OSTC: variants seen among roughly 807,000 people sequenced by gnomAD.
OSTC encodes the protein oligosaccharyltransferase complex subunit OSTC.
OSTC carries 16 observed loss-of-function variants against 16.4 expected under a neutral mutation model. That is an observed-to-expected ratio of 0.98 (90% CI 0.66 to 1.49). The LOEUF is 1.49. Among genes scored for constraint, OSTC ranks in the 40% most tolerant of loss-of-function variants. The pLI is 0.00. For synonymous variants in OSTC, 67 were observed against 68.5 expected (o/e 0.98, Z 0.11); for missense variants, 139 against 186.3 (o/e 0.75, Z 1.48).
rs558253109 is a variant in OSTC, at chr4:108,667,229, A to G, written c.432-18A>G. 29 of 1,600,752 alleles carry G rather than the reference A, an allele frequency of 1.8e-5. No homozygotes were observed. The highest frequency in any genetic ancestry group is 3.3e-4 in the Middle Eastern group (2 of 5,998). ...ACAATTCTTTTCACTTTTTGTGCTT[A>G]TAATTATATTTCTGCAGGGGCTATC... is the stretch of plus-strand genomic sequence containing the variant. On this transcript the variant is annotated intron_variant, in intron 3 of 3. Transcript: ENST00000361564.
At position 108,657,436 on chromosome 4, in the gene OSTC, C is replaced by T; in HGVS notation, c.234-14C>T. 6.3e-7 allele frequency: 1 copy of T among 1,592,300 alleles called. No individual in the cohort carries two copies. The highest frequency in any genetic ancestry group is 8.6e-7 in the Non-Finnish European group (1 of 1,163,174). ...TATTTGTTATCTTTCTATGGTCATT[C>T]TTTTCTTTTCCAGAGTAAATGGACA... On this transcript the variant is annotated splice_polypyrimidine_tract_variant and intron_variant, in intron 2 of 3. Coordinates refer to ENST00000361564, the MANE Select transcript of OSTC (RefSeq NM_021227.4).
intron 1 of OSTC, among the ~76,000 whole-genome samples, chr4:108,651,694 T>G (rs528412787): frequency 6.6e-6 from 1 of 152,262 alleles, no homozygotes; most frequent in East Asian, 1.9e-4. Context: ...AAAATTAATT[T>G]AGATTTTGGG....
chr4:108,661,217 C>CAAAAAA (rs34609606), intron 3 of OSTC, among the ~76,000 whole-genome samples: 3 of 103,288 alleles, frequency 2.9e-5, no homozygotes, highest in Non-Finnish European at 3.9e-5. Flanking sequence ...GACTCCATCT[C>CAAAAAA]AAAAAAAAAA....
In OSTC at chr4:108,656,929, C is replaced by T. The variant is rs186813802; in HGVS notation, c.234-521C>T. On this transcript the variant is annotated intron_variant, in intron 2 of 3. Transcript: ENST00000361564. ...CCTGGCTAACCCGGTGAAACCCTGT[C>T]TCCCCTAAAAATACAAAAAATTAGC... Among the ~76,000 whole-genome samples, 759 of 152,124 alleles carry T rather than the reference C, an allele frequency of 5.0e-3. 4 individuals are homozygous for T. Among genetic ancestry groups the T allele is most frequent in the African/African-American group, 0.017 (689 of 41,506 alleles).
rs753117010 is a variant in OSTC, at chr4:108,650,677, C to G, written c.22C>G (p.Pro8Ala). 1.9e-6 allele frequency: 3 copies of G among 1,614,012 alleles called. No homozygotes were observed. In the Admixed American group the frequency reaches 5.0e-5, roughly 27 times the overall value. ...CAACATGGAGACTTTGTACCGTGTC[C>G]CGTTCTTAGTGCTCGAATGTCCCAA... is the stretch of plus-strand genomic sequence containing the variant. METLYRV[P>A]FLVLECPNLK... Residue 8 changes from proline (P) to alanine (A), a missense_variant, in exon 1 of 4, where the codon CCG (proline) becomes GCG (alanine). By Grantham distance (27) the Pro-to-Ala change is conservative. Transcript: ENST00000361564.
chr4:108,653,876 T>C (rs1030489390), intron 1 of OSTC, among the ~76,000 whole-genome samples: 6 of 152,162 alleles, frequency 3.9e-5, no homozygotes, highest in Admixed American at 3.3e-4. Flanking sequence ...CTGGCATTAT[T>C]TGAGAGGCCT....
At chr4:108,656,923 C>A (rs987000698) in intron 2 of OSTC, among the ~76,000 whole-genome samples, 8 of 152,016 alleles carry the variant, frequency 5.3e-5, no homozygotes, top group African/African-American at 1.9e-4. Context: ...CCCGGTGAAA[C>A]CCTGTCTCCC....
intron 1 of OSTC, 91 bp downstream of exon 1, chr4:108,650,885 G>T: frequency 6.4e-7 from 1 of 1,569,826 alleles, no homozygotes. Context: ...TCAGCCCCGG[G>T]GGAAGCATAG....
At position 108,655,561 on chromosome 4, in the gene OSTC, T is replaced by C. The variant is rs1308962847; in HGVS notation, c.140-3T>C. On this transcript the variant is annotated splice_region_variant and splice_polypyrimidine_tract_variant and intron_variant, in intron 1 of 3. Coordinates refer to ENST00000361564, the MANE Select transcript of OSTC (RefSeq NM_021227.4). Reference sequence around the variant, plus strand: ...CTAATCTGTTCTGTTGTCTTTCTTATAGGAATAATTTATGATGTTATTGTT... The same window carrying C: ...CTAATCTGTTCTGTTGTCTTTCTTACAGGAATAATTTATGATGTTATTGTT... The C allele has an allele frequency of 4.5e-6, 7 of 1,557,346 alleles. No homozygotes were observed. The highest frequency in any genetic ancestry group is 2.3e-5 in the East Asian group (1 of 44,434).
At chr4:108,667,226 C>T in intron 3 of OSTC, 21 bp from the exon 4 acceptor site, 1 of 1,599,014 alleles carries the variant, frequency 6.3e-7, no homozygotes, top group Non-Finnish European at 8.5e-7. Context: ...ACTTTTTGTG[C>T]TTATAATTAT....
chr4:108,658,820 C>T (rs1326578419), intron 3 of OSTC, among the ~76,000 whole-genome samples: 1 of 152,014 alleles, frequency 6.6e-6, no homozygotes, highest in Admixed American at 6.6e-5. Flanking sequence ...CTGTAACACA[C>T]CTGGGGTAGA....
At chr4:108,659,540 G>A (rs1434959081) in intron 3 of OSTC, among the ~76,000 whole-genome samples, 2 of 152,072 alleles carry the variant, frequency 1.3e-5, no homozygotes, top group African/African-American at 2.4e-5. Context: ...AGGCTGAAGC[G>A]GGCGGATCAC....
At position 108,661,301 on chromosome 4, in the gene OSTC, C is replaced by G. The variant is rs117337842; in HGVS notation, c.431+3654C>G. On this transcript the variant is annotated intron_variant, in intron 3 of 3. Transcript: ENST00000361564. ...GTACATTTAAAAGGAAAAAATTAAACGTAGTCCCTAATATTTTTATTAGTA... is the reference window on the plus strand; with the variant it reads ...GTACATTTAAAAGGAAAAAATTAAAGGTAGTCCCTAATATTTTTATTAGTA... Among the ~76,000 whole-genome samples the G allele has an allele frequency of 5.2e-4, 78 of 150,984 alleles. No homozygotes were observed. The East Asian group carries it at 0.014, about 27-fold the overall frequency.
Position 108,650,702 on chromosome 4 carries a change from A to G in OSTC, c.47A>G (p.Asn16Ser). 6.2e-7 allele frequency: 1 copy of G among 1,614,198 alleles called. No homozygotes were observed. The highest frequency in any genetic ancestry group is 8.5e-7 in the Non-Finnish European group (1 of 1,180,026). Residue 16 changes from asparagine to serine, a missense_variant, in exon 1 of 4, where the codon AAC (asparagine) becomes AGC (serine). Physicochemically the swap from Asn to Ser is conservative, Grantham distance 46 (BLOSUM62 1). Coordinates refer to ENST00000361564, the MANE Select transcript of OSTC (RefSeq NM_021227.4). ...RVPFLVLECP[N>S]LKLKKPPWLH... is the part of the protein sequence containing the mutation. ...CCGTTCTTAGTGCTCGAATGTCCCA[A>G]CCTGAAGCTGAAGAAGCCGCCCTGG... is the stretch of plus-strand genomic sequence containing the variant.
At chr4:108,664,270 G>GA (rs1251861093) in intron 3 of OSTC, among the ~76,000 whole-genome samples, 2 of 149,260 alleles carry the variant, frequency 1.3e-5, no homozygotes, top group Non-Finnish European at 2.9e-5. Flanking sequence ...TAGTTACAAG[G>GA]AAGGATACCA....
intron 3 of OSTC, chr4:108,663,236 G>T (rs542009067): frequency 2.1e-4 from 95 of 455,816 alleles, no homozygotes; most frequent in African/African-American, 1.6e-3. Context: ...TATTGAGACG[G>T]AGTCTCGCTC....
intron 3 of OSTC, among the ~76,000 whole-genome samples, chr4:108,664,327 A>G (rs1031744342): frequency 9.2e-5 from 14 of 152,194 alleles, no homozygotes; most frequent in Admixed American, 9.2e-4. Context: ...GTATATTCAC[A>G]TATAGGTATA....
At chr4:108,667,160 T>C in intron 3 of OSTC, 87 bp from the exon 4 acceptor site, 2 of 1,036,626 alleles carry the variant, frequency 1.9e-6, no homozygotes, top group Non-Finnish European at 2.9e-6. Flanking sequence ...TCATAAAATT[T>C]GTTTTGGCAT....
At chr4:108,659,526 T>C (rs571709144) in intron 3 of OSTC, among the ~76,000 whole-genome samples, 31 of 152,140 alleles carry the variant, frequency 2.0e-4, no homozygotes, top group African/African-American at 7.5e-4. Flanking sequence ...CCCAGCACTT[T>C]GGGAGGCTGA....
Sources: gnomAD v4.1 joint callset for allele counts (sites outside exome capture counted in the v4.1 genomes callset) on GRCh38, gnomAD v4.1.1 for gene constraint, MANE v1.5 for transcripts, NCBI Gene and HGNC (gene_info 2026-07-23, HGNC 2026-07-21) for gene names.